BBS9: variants seen among roughly 807,000 people sequenced by gnomAD.
The protein encoded by BBS9 is protein PTHB1.
In BBS9, 89 loss-of-function variants were observed where a neutral mutation model predicts 117.7. The observed-to-expected ratio is 0.76, with a 90% CI of 0.64 to 0.90. The LOEUF is 0.90. Among genes scored for constraint, BBS9 ranks in the 40% least tolerant of loss-of-function variants. The pLI, the probability that BBS9 is intolerant of heterozygous loss-of-function variation, is 0.00. For synonymous variants in BBS9, 379 were observed against 370.9 expected (o/e 1.02, Z -0.25); for missense variants, 982 against 1,042.2 (o/e 0.94, Z 0.80).
intron 19 of BBS9, among the ~76,000 whole-genome samples, chr7:33,458,177 CTG>C (rs1450664390): frequency 6.6e-6 from 1 of 152,040 alleles, no homozygotes; most frequent in Non-Finnish European, 1.5e-5. Flanking sequence ...TTTAGCAAAA[CTG>C]TTTATATCAC....
chr7:33,605,613 AG>A lies in BBS9; in HGVS notation c.*388del, dbSNP rs1864480790. ...ATAGTAAATGTATCAAGTTTAATAA[AG>A]CATCTCATTGTCAAATAATATCTTG... On this transcript the variant is annotated 3_prime_UTR_variant, in exon 23 of 23. Coordinates refer to ENST00000242067, the MANE Select transcript of BBS9 (RefSeq NM_198428.3). 4.1e-6 allele frequency: 1 copy of A among 246,536 alleles called. No individual in the cohort carries two copies. Among genetic ancestry groups the A allele is most frequent in the African/African-American group, 2.2e-5 (1 of 44,536 alleles). The allele number at this position is 246,536 out of a possible 1,614,324, so 15.3% of individuals were successfully genotyped here.
intron 17 of BBS9, among the ~76,000 whole-genome samples, chr7:33,379,009 C>G (rs1824443023): frequency 6.6e-6 from 1 of 152,180 alleles, no homozygotes; most frequent in South Asian, 2.1e-4. Flanking sequence ...CCTGAACATG[C>G]TTTGTTTCCA....
At chr7:33,453,032 T>G (rs1371119884) in intron 19 of BBS9, among the ~76,000 whole-genome samples, 1 of 152,198 alleles carries the variant, frequency 6.6e-6, no homozygotes, top group African/African-American at 2.4e-5. Flanking sequence ...TAGAAAGGTT[T>G]TCCTTCAAAA....
intron 9 of BBS9, among the ~76,000 whole-genome samples, chr7:33,284,296 A>G (rs1380438347): frequency 1.3e-5 from 2 of 152,048 alleles, no homozygotes; most frequent in Admixed American, 1.3e-4. Context: ...GGGAGGTGGT[A>G]GTTATTGTAG....
chr7:33,633,419 A>G lies in BBS9; in HGVS notation c.2522-1758A>G, dbSNP rs528811075. Among the ~76,000 whole-genome samples, 5 of 152,000 alleles carry G rather than the reference A, an allele frequency of 3.3e-5. 1 individual carries two copies. Among genetic ancestry groups the G allele is most frequent in the African/African-American group, 9.6e-5 (4 of 41,506 alleles). ...GGAACTATTTCTTGGGGAAAATCAT[A>G]TTACTCAGCTGACAGGTTTTGAAGA... On this transcript the variant is annotated intron_variant, in intron 21 of 21. Transcript: ENST00000671952.
intron 19 of BBS9, among the ~76,000 whole-genome samples, chr7:33,429,768 C>T (rs1258037131): frequency 6.6e-6 from 1 of 152,046 alleles, no homozygotes; most frequent in Non-Finnish European, 1.5e-5. Context: ...TATAGATACT[C>T]TGTAATTTCA....
chr7:33,492,219 A>AAC (rs1554506941), intron 19 of BBS9, among the ~76,000 whole-genome samples: 7 of 146,174 alleles, frequency 4.8e-5, no homozygotes, highest in South Asian at 2.1e-4. Context: ...AAAAACAAAA[A>AAC]AAAAACAAAA....
intron 5 of BBS9, among the ~76,000 whole-genome samples, chr7:33,214,566 G>T (rs377006033): frequency 3.9e-5 from 6 of 152,270 alleles, no homozygotes; most frequent in African/African-American, 4.8e-5. Flanking sequence ...TGGTGTTCCT[G>T]CCAGGAGGAT....
chr7:33,271,391 T>A (rs1799769423), intron 7 of BBS9, among the ~76,000 whole-genome samples: 1 of 152,138 alleles, frequency 6.6e-6, no homozygotes, highest in Admixed American at 6.5e-5. Context: ...GTAAACAGGC[T>A]AAATGACCCA....
intron 19 of BBS9, among the ~76,000 whole-genome samples, chr7:33,478,148 A>G (rs1842048423): frequency 6.6e-6 from 1 of 152,182 alleles, no homozygotes; most frequent in Non-Finnish European, 1.5e-5. Flanking sequence ...GAGGTGATGA[A>G]AGGGGAATAT....
chr7:33,346,543 A>C (rs1817628561), intron 12 of BBS9, among the ~76,000 whole-genome samples: 1 of 152,188 alleles, frequency 6.6e-6, no homozygotes, highest in African/African-American at 2.4e-5. Flanking sequence ...TTTTCCTGTT[A>C]AAATATAAGA....
chr7:33,347,517 A>G (rs1020443876), intron 12 of BBS9, among the ~76,000 whole-genome samples: 6 of 152,036 alleles, frequency 3.9e-5, no homozygotes, highest in Admixed American at 3.9e-4. Context: ...CAGGATTTAC[A>G]AAGTAAAAAT....
chr7:33,432,833 G>T (rs367867367), intron 19 of BBS9, among the ~76,000 whole-genome samples: 1 of 151,144 alleles, frequency 6.6e-6, no homozygotes, highest in African/African-American at 2.4e-5. Flanking sequence ...TATTTGGAAC[G>T]TTATGCCCTA....
At chr7:33,301,533 G>A (rs775684215) in intron 9 of BBS9, among the ~76,000 whole-genome samples, 1 of 151,982 alleles carries the variant, frequency 6.6e-6, no homozygotes, top group East Asian at 1.9e-4. Context: ...GTCTTTCTGT[G>A]CCTGGCTTAT....
intron 20 of BBS9, among the ~76,000 whole-genome samples, chr7:33,516,069 A>G (rs1847718901): frequency 6.6e-6 from 1 of 152,232 alleles, no homozygotes; most frequent in African/African-American, 2.4e-5. Flanking sequence ...TGCTAAGATA[A>G]AGGCTGTACA....
Position 33,605,415 on chromosome 7 carries a change from A to T in BBS9, c.*189A>T. On this transcript the variant is annotated 3_prime_UTR_variant, in exon 23 of 23. Transcript: ENST00000242067. The stretch of plus-strand genomic sequence containing the variant: ...TAGGAGAACTTGTAACACCATGGGG[A>T]AGTCAGCTGAAACTTGTCTTGTTTT... 1 of 648,020 alleles carries T rather than the reference A, an allele frequency of 1.5e-6. No individual in the cohort carries two copies. The highest frequency in any genetic ancestry group is 2.8e-6 in the Non-Finnish European group (1 of 360,864). 40.1% of individuals were successfully genotyped at this position (648,020 alleles called of 1,614,324 possible).
intron 19 of BBS9, among the ~76,000 whole-genome samples, chr7:33,438,536 A>G (rs1835652214): frequency 6.6e-6 from 1 of 152,234 alleles, no homozygotes; most frequent in South Asian, 2.1e-4. Flanking sequence ...GCCAAAAGAC[A>G]TTGAAAGATG....
chr7:33,201,543 G>T (rs78529417), intron 5 of BBS9, among the ~76,000 whole-genome samples: 2 of 152,008 alleles, frequency 1.3e-5, no homozygotes, highest in African/African-American at 4.8e-5. Flanking sequence ...ATTCTGTGGG[G>T]TGAATCAGTA....
intron 21 of BBS9, among the ~76,000 whole-genome samples, chr7:33,624,261 A>G (rs921881891): frequency 1.3e-5 from 2 of 152,218 alleles, no homozygotes; most frequent in Non-Finnish European, 2.9e-5. Flanking sequence ...TATGACTTTT[A>G]TAACTATAAA....
Sources: gnomAD v4.1 joint callset for allele counts (sites outside exome capture counted in the v4.1 genomes callset) on GRCh38, gnomAD v4.1.1 for gene constraint, MANE v1.5 for transcripts, NCBI Gene and HGNC (gene_info 2026-07-23, HGNC 2026-07-21) for gene names.